DGKI: variants seen among roughly 807,000 people sequenced by gnomAD.
DGKI encodes diacylglycerol kinase iota, also known as DAG kinase iota.
DGKI carries 55 observed loss-of-function variants against 147.5 expected under a neutral mutation model. That is an observed-to-expected ratio of 0.37 (90% confidence interval 0.30 to 0.47). The LOEUF (loss-of-function observed/expected upper bound fraction) is 0.47. Among genes scored for constraint, DGKI ranks in the 20% least tolerant of loss-of-function variants. The pLI is 1.00. For missense variants in DGKI, 1,007 were observed against 1,323.8 expected (o/e 0.76, Z 3.71); for synonymous variants, 469 against 477.1 (o/e 0.98, Z 0.22).
chr7:137,416,393 C>T (rs1217137803), intron 28 of DGKI, among the ~76,000 whole-genome samples: 1 of 152,116 alleles, frequency 6.6e-6, no homozygotes, highest in African/African-American at 2.4e-5. Context: ...TTGAAAAATC[C>T]TCGCAAGATG....
intron 30 of DGKI, among the ~76,000 whole-genome samples, chr7:137,399,315 T>C (rs745761168): frequency 6.6e-5 from 10 of 151,826 alleles, no homozygotes; most frequent in Admixed American, 2.0e-4. Context: ...TTTGTATCCT[T>C]CTAGCACCTA....
At chr7:137,744,117 A>G (rs1313626212) in intron 1 of DGKI, among the ~76,000 whole-genome samples, 2 of 152,136 alleles carry the variant, frequency 1.3e-5, no homozygotes, top group African/African-American at 4.8e-5. Flanking sequence ...TGGTTCTTTG[A>G]AAGGATAAAT....
At chr7:137,597,617 A>G (rs982174636) in intron 12 of DGKI, among the ~76,000 whole-genome samples, 2 of 152,194 alleles carry the variant, frequency 1.3e-5, no homozygotes, top group African/African-American at 4.8e-5. Context: ...ATGGCACACA[A>G]AAGAATACAG....
At chr7:137,672,410 A>G (rs755652139) in intron 3 of DGKI, among the ~76,000 whole-genome samples, 2 of 152,216 alleles carry the variant, frequency 1.3e-5, no homozygotes, top group Non-Finnish European at 2.9e-5. Flanking sequence ...AGAGATGATG[A>G]GTATGAGTCC....
chr7:137,776,364 T>C (rs191154376), intron 1 of DGKI, among the ~76,000 whole-genome samples: 1 of 152,364 alleles, frequency 6.6e-6, no homozygotes, highest in East Asian at 1.9e-4. Flanking sequence ...ATGAATGATT[T>C]AACCTCTAAC....
chr7:137,430,440 A>G (rs1251601780), intron 28 of DGKI, among the ~76,000 whole-genome samples: 1 of 151,044 alleles, frequency 6.6e-6, no homozygotes, highest in Non-Finnish European at 1.5e-5. Context: ...GCATTAGGAG[A>G]TATACCTAAT....
At chr7:137,787,233 A>T (rs1215607263) in intron 1 of DGKI, among the ~76,000 whole-genome samples, 2 of 152,154 alleles carry the variant, frequency 1.3e-5, no homozygotes, top group African/African-American at 2.4e-5. Flanking sequence ...CTGACAAATG[A>T]CTAATATCCA....
At chr7:137,623,174 G>A (rs1820809703) in intron 7 of DGKI, among the ~76,000 whole-genome samples, 2 of 152,146 alleles carry the variant, frequency 1.3e-5, no homozygotes. Flanking sequence ...GGGAAAATGT[G>A]GTCTAGGTGT....
intron 20 of DGKI, among the ~76,000 whole-genome samples, chr7:137,539,381 C>A (rs1313267717): frequency 1.3e-5 from 2 of 152,098 alleles, no homozygotes; most frequent in African/African-American, 4.8e-5. Context: ...AAGGAAGGAA[C>A]TCAGAAAACA....
Position 137,609,037 on chromosome 7 carries a change from T to C in DGKI, c.1096A>G (p.Ile366Val). 3 of 1,613,754 alleles carry C rather than the reference T, an allele frequency of 1.9e-6. No homozygotes were observed. The highest frequency in any genetic ancestry group is 2.5e-6 in the Non-Finnish European group (3 of 1,179,736). Residue 366 changes from isoleucine to valine, a missense_variant, in exon 10 of 33, where the codon ATA becomes GTA. By Grantham distance (29) the Ile-to-Val change is conservative. This residue lies in a region of DGKI where 259 missense variants were observed against 362.5 expected (regional missense o/e 0.71). Transcript: ENST00000614521. ...EQENKGRPFV[I>V]KPISSPLMKP... ...ATGAGAGGAGAAGAGATGGGTTTTATCACAAAAGGACGACCTTTGTTTTCC... is the reference window on the plus strand; with the variant it reads ...ATGAGAGGAGAAGAGATGGGTTTTACCACAAAAGGACGACCTTTGTTTTCC...
chr7:137,494,599 A>T lies in DGKI; in HGVS notation c.2249-6910T>A, dbSNP rs1443432493. Among the ~76,000 whole-genome samples, 5 of 152,188 alleles carry T rather than the reference A, an allele frequency of 3.3e-5. No individual in the cohort carries two copies. In the East Asian group the frequency reaches 9.6e-4, roughly 29 times the overall value. On this transcript the variant is annotated intron_variant, in intron 21 of 32. Transcript: ENST00000614521. Reference sequence around the variant, plus strand: ...ACTTCAAAAGCAAAGGAGAAATAAGATCCTTTTCAGAGAAGCAAATGCTAA... The same window carrying T: ...ACTTCAAAAGCAAAGGAGAAATAAGTTCCTTTTCAGAGAAGCAAATGCTAA...
intron 21 of DGKI, among the ~76,000 whole-genome samples, chr7:137,508,219 C>CTTTTTTTTT (rs1171968411): frequency 4.3e-5 from 4 of 92,534 alleles, no homozygotes; most frequent in Admixed American, 2.2e-4. Context: ...AGACAGGTTT[C>CTTTTTTTTT]TTTTTTTTTT....
chr7:137,697,957 T>A (rs1294131960), intron 1 of DGKI, among the ~76,000 whole-genome samples: 1 of 151,642 alleles, frequency 6.6e-6, no homozygotes, highest in Non-Finnish European at 1.5e-5. Context: ...TATCTATCTA[T>A]CTGGAGATAG....
intron 1 of DGKI, among the ~76,000 whole-genome samples, chr7:137,836,793 C>A (rs1344924620): frequency 6.6e-6 from 1 of 152,170 alleles, no homozygotes; most frequent in Non-Finnish European, 1.5e-5. Flanking sequence ...CATGATTATT[C>A]ACAGAGCTAA....
intron 29 of DGKI, among the ~76,000 whole-genome samples, 192 bp from the exon 30 acceptor site, chr7:137,408,187 C>T (rs1166459834): frequency 1.3e-5 from 2 of 152,224 alleles, no homozygotes; most frequent in African/African-American, 4.8e-5. Flanking sequence ...AGTGTCTCTT[C>T]TAACTCTGGA....
Position 137,658,196 on chromosome 7 carries a change from G to GAAC in DGKI, c.607-1659_607-1657dup, listed in dbSNP as rs569182595. Among the ~76,000 whole-genome samples, 345 of 152,138 alleles carry GAAC rather than the reference G, an allele frequency of 2.3e-3. 2 individuals are homozygous for GAAC. The highest frequency in any genetic ancestry group is 7.7e-3 in the African/African-American group (321 of 41,500). ...AGAAGAGAAAAAGAAGGAGGGGGAG[G>GAAC]AACAAGAAAACATACAGTAGTAATC... On this transcript the variant is annotated intron_variant, in intron 3 of 32. Transcript: ENST00000614521.
intron 6 of DGKI, among the ~76,000 whole-genome samples, chr7:137,628,552 G>C (rs1455101095): frequency 6.6e-6 from 1 of 152,098 alleles, no homozygotes; most frequent in Non-Finnish European, 1.5e-5. Flanking sequence ...TTAAATGTTG[G>C]CCCAAATCTG....
intron 21 of DGKI, among the ~76,000 whole-genome samples, chr7:137,509,869 C>T (rs1199040365): frequency 1.3e-5 from 2 of 152,126 alleles, no homozygotes; most frequent in African/African-American, 4.8e-5. Context: ...GTAACAGATC[C>T]TTTTCTTTTT....
intron 3 of DGKI, among the ~76,000 whole-genome samples, chr7:137,666,442 C>T (rs527807338): frequency 2.6e-5 from 4 of 152,192 alleles, no homozygotes; most frequent in East Asian, 1.9e-4. Flanking sequence ...CAGAAAGCTA[C>T]GACGTGAATC....
Sources: allele counts gnomAD v4.1 joint callset (sites outside exome capture counted in the v4.1 genomes callset), GRCh38; gene constraint gnomAD v4.1.1; regional missense constraint gnomAD v4.1.1; transcripts MANE v1.5; gene names NCBI Gene and HGNC (gene_info 2026-07-23, HGNC 2026-07-21).